The following TNS3 variants were observed in gnomAD, a reference collection of about 807,000 sequenced individuals.
The protein encoded by TNS3 is tensin 3.
TNS3 carries 45 observed loss-of-function variants against 140.9 expected under a neutral mutation model. The observed-to-expected ratio is 0.32, with a 90% CI of 0.25 to 0.41. TNS3 has a LOEUF of 0.41. Ranked by LOEUF, TNS3 falls within the 10% of genes least tolerant of loss-of-function variation. The pLI is 1.00. For missense variants in TNS3, 1,716 were observed against 1,906.7 expected (o/e 0.90, Z 1.86); for synonymous variants, 815 against 788.4 (o/e 1.03, Z -0.56).
At chr7:47,466,288 G>A (rs554271552) in intron 4 of TNS3, among the ~76,000 whole-genome samples, 1 of 151,822 alleles carries the variant, frequency 6.6e-6, no homozygotes, top group South Asian at 2.1e-4. Flanking sequence ...AAGTAGCTGG[G>A]ATTACAGACG....
rs191661059 is a variant in TNS3 at position 47,377,005 on chromosome 7, G to C, written c.1025-7384C>G. Among the ~76,000 whole-genome samples the C allele has an allele frequency of 5.9e-4, 90 of 152,256 alleles. 2 individuals are homozygous for C. The East Asian group carries it at 0.016, about 27-fold the overall frequency. ...ACCCATGGTACCAGCAGCCCCATCG[G>C]GGTCAGGAGCCATGGATATGCCAGA... On this transcript the variant is annotated intron_variant, in intron 16 of 30. Coordinates refer to ENST00000311160, the MANE Select transcript of TNS3 (RefSeq NM_022748.12).
rs71003398 is a variant in TNS3, at chr7:47,413,251, C to CTTTTTTTTTTTTTTT, written c.647+671_647+685dup. 7.9e-4 allele frequency among the ~76,000 whole-genome samples: 42 copies of CTTTTTTTTTTTTTTT among 52,946 alleles called. 2 individuals are homozygous for CTTTTTTTTTTTTTTT. The highest frequency in any genetic ancestry group is 2.7e-3 in the African/African-American group (36 of 13,278). The allele number at this position is 52,946 out of a possible 152,430, so 34.7% of individuals were successfully genotyped here. ...ACAGGTGTGAGCCACCAAGCCTGGC[C>CTTTTTTTTTTTTTTT]TTTTTTTTTTTTTTTTTTTTTTTTG... On this transcript the variant is annotated intron_variant, in intron 12 of 30. Coordinates refer to ENST00000311160, the MANE Select transcript of TNS3 (RefSeq NM_022748.12).
intron 16 of TNS3, among the ~76,000 whole-genome samples, chr7:47,375,718 C>T (rs1247943133): frequency 6.6e-6 from 1 of 152,230 alleles, no homozygotes; most frequent in African/African-American, 2.4e-5. Context: ...CAATGCCCAA[C>T]TGTGCTCCCC....
chr7:47,372,140 G>GAATAA (rs1386060492), intron 16 of TNS3, among the ~76,000 whole-genome samples: 1 of 152,228 alleles, frequency 6.6e-6, no homozygotes, highest in African/African-American at 2.4e-5. Context: ...TGCTCCGTGA[G>GAATAA]AATGACAGAA....
At chr7:47,474,916 CT>C (rs762112004) in intron 4 of TNS3, among the ~76,000 whole-genome samples, 1 of 149,050 alleles carries the variant, frequency 6.7e-6, no homozygotes, top group Non-Finnish European at 1.5e-5. Flanking sequence ...AAAAAAACAC[CT>C]CACACACACA....
intron 7 of TNS3, 67 bp from the exon 8 acceptor site, chr7:47,435,471 G>A: frequency 6.3e-7 from 1 of 1,599,164 alleles, no homozygotes; most frequent in Non-Finnish European, 8.5e-7. Context: ...ATCTCACAAT[G>A]ACTTCTTTCA....
chr7:47,434,264 T>C (rs1200288206), intron 8 of TNS3, among the ~76,000 whole-genome samples: 3 of 146,078 alleles, frequency 2.1e-5, no homozygotes, highest in Non-Finnish European at 4.5e-5. Context: ...AATTCCATAA[T>C]ACAATGGATT....
At chr7:47,517,333 T>C (rs1359688761) in intron 2 of TNS3, among the ~76,000 whole-genome samples, 1 of 152,102 alleles carries the variant, frequency 6.6e-6, no homozygotes, top group African/African-American at 2.4e-5. Context: ...AGCCCCACGC[T>C]TGACAAAAGA....
intron 20 of TNS3, among the ~76,000 whole-genome samples, chr7:47,330,107 C>T (rs148036077): frequency 3.3e-5 from 5 of 152,162 alleles, no homozygotes; most frequent in African/African-American, 1.2e-4. Flanking sequence ...AAATTCTTCC[C>T]GGACAGTCTG....
At chr7:47,559,759 C>T (rs1252876052) in intron 1 of TNS3, among the ~76,000 whole-genome samples, 1 of 152,178 alleles carries the variant, frequency 6.6e-6, no homozygotes, top group African/African-American at 2.4e-5. Context: ...TCATTCCAGG[C>T]CCAAGCTCCA....
chr7:47,400,342 C>A, intron 15 of TNS3, 51 bp downstream of exon 15: 1 of 1,509,136 alleles, frequency 6.6e-7, no homozygotes, highest in Non-Finnish European at 9.2e-7. Context: ...CCATCATGCA[C>A]CTTTCACCAG....
At chr7:47,356,670 T>C (rs1790009807) in intron 17 of TNS3, among the ~76,000 whole-genome samples, 1 of 152,238 alleles carries the variant, frequency 6.6e-6, no homozygotes, top group African/African-American at 2.4e-5. Context: ...AAGTGGTGGA[T>C]ATGTCCATTG....
At chr7:47,379,567 G>T (rs1791622844) in intron 16 of TNS3, among the ~76,000 whole-genome samples, 1 of 151,266 alleles carries the variant, frequency 6.6e-6, no homozygotes, top group Admixed American at 6.6e-5. Context: ...AAGACGCGAT[G>T]AAATGTGCCC....
intron 23 of TNS3, among the ~76,000 whole-genome samples, chr7:47,297,853 T>C (rs953884777): frequency 1.3e-5 from 2 of 149,268 alleles, no homozygotes; most frequent in Non-Finnish European, 3.0e-5. Context: ...AGTGGCATGG[T>C]CTCGGCTCAC....
chr7:47,308,104 T>C (rs1333159018), intron 20 of TNS3, among the ~76,000 whole-genome samples: 1 of 152,200 alleles, frequency 6.6e-6, no homozygotes, highest in Non-Finnish European at 1.5e-5. Flanking sequence ...CTATGATCCA[T>C]TTTCAGTTAA....
intron 20 of TNS3, among the ~76,000 whole-genome samples, chr7:47,318,439 A>T (rs1390614727): frequency 1.1e-4 from 17 of 152,184 alleles, no homozygotes; most frequent in Admixed American, 1.1e-3. Context: ...TTGCAACAGG[A>T]AACAGACTCA....
intron 13 of TNS3, among the ~76,000 whole-genome samples, chr7:47,406,498 A>C (rs925950132): frequency 1.3e-5 from 2 of 152,208 alleles, no homozygotes; most frequent in Admixed American, 6.5e-5. Context: ...ATGTCCCTGC[A>C]GGCAAGGCAG....
chr7:47,534,354 A>G (rs547016422), intron 1 of TNS3, among the ~76,000 whole-genome samples: 81 of 152,198 alleles, frequency 5.3e-4, no homozygotes, highest in African/African-American at 1.8e-3. Context: ...TGATACCTAC[A>G]CTACAAGCTC....
chr7:47,399,698 T>C (rs7457545), intron 15 of TNS3, among the ~76,000 whole-genome samples: 1 of 152,180 alleles, frequency 6.6e-6, no homozygotes, highest in African/African-American at 2.4e-5. Context: ...AAGATTTAAA[T>C]CTAAGACCTG....
Sources: allele counts gnomAD v4.1 joint callset (sites outside exome capture counted in the v4.1 genomes callset), GRCh38; gene constraint gnomAD v4.1.1; transcripts MANE v1.5; gene names NCBI Gene and HGNC (gene_info 2026-07-23, HGNC 2026-07-21).